Variants in NOS1 observed in about 807,000 individuals in gnomAD.
NOS1 encodes the protein nitric oxide synthase 1, also known as NOS type I.
Under a neutral mutation model 164.5 loss-of-function variants are expected in NOS1, and 51 were observed. That is an observed-to-expected ratio of 0.31 (90% CI 0.25 to 0.39). The LOEUF (loss-of-function observed/expected upper bound fraction) is 0.39. Among genes scored for constraint, NOS1 ranks in the 10% least tolerant of loss-of-function variants. NOS1 has a pLI of 1.00. For synonymous variants in NOS1, 719 were observed against 745.8 expected (o/e 0.96, Z 0.59); for missense variants, 1,362 against 1,885.6 (o/e 0.72, Z 5.14).
chr12:117,258,483 T>C, intron 15 of NOS1, 28 bp from the exon 16 acceptor site: 1 of 1,610,654 alleles, frequency 6.2e-7, no homozygotes, highest in African/African-American at 1.3e-5. Flanking sequence ...TGGGTGAAAT[T>C]AGCACATCTT....
At chr12:117,322,034 CTCCTTCTCTCCT>C (rs1274042908) in intron 2 of NOS1, among the ~76,000 whole-genome samples, 25 of 126,494 alleles carry the variant, frequency 2.0e-4, no homozygotes, top group African/African-American at 7.6e-4. Flanking sequence ...CCTTCCTTTC[CTCCTTCTCTCCT>C]TCCTTCCCTC....
At position 117,330,833 on chromosome 12, in the gene NOS1, G is replaced by A. The variant is rs201853230; in HGVS notation, c.237C>T (p.Ser79=). The A allele has an allele frequency of 9.9e-6, 16 of 1,613,988 alleles. No homozygotes were observed. In the East Asian group the frequency reaches 1.1e-4, roughly 11 times the overall value. ...CAATGCCTCTGAGTACCTCCAGGGC[G>A]CTGTCATAGCTCAGGTCCACCAAGG... ...GRPLVDLSYD[S]ALEVLRGIAS... is the part of the protein sequence containing the mutation. The change falls in exon 2 of 29, where the codon AGC becomes AGT. Residue 79 remains serine, a synonymous_variant. Transcript: ENST00000317775. The surrounding 1 kb of genome is among the most constrained non-coding windows in gnomAD (Gnocchi z 4.6).
At chr12:117,345,269 T>C (rs538283297) in intron 1 of NOS1, among the ~76,000 whole-genome samples, 3 of 152,132 alleles carry the variant, frequency 2.0e-5, no homozygotes, top group Non-Finnish European at 4.4e-5. Context: ...GTGATCCGTC[T>C]GCCTCGGCCT....
chr12:117,309,112 T>C (rs1311042282), intron 3 of NOS1, among the ~76,000 whole-genome samples: 1 of 152,214 alleles, frequency 6.6e-6, no homozygotes, highest in East Asian at 1.9e-4. Flanking sequence ...CTCTTTGTTT[T>C]GAATTAAGAA....
chr12:117,332,257 G>A (rs1488106067), intron 1 of NOS1, among the ~76,000 whole-genome samples: 5 of 152,070 alleles, frequency 3.3e-5, no homozygotes, highest in African/African-American at 4.8e-5. Flanking sequence ...GAGCACGTTC[G>A]CTCTTAACAC....
At chr12:117,247,327 G>A in intron 18 of NOS1, 21 bp downstream of exon 18, 1 of 1,561,908 alleles carries the variant, frequency 6.4e-7, no homozygotes, top group South Asian at 1.2e-5. Flanking sequence ...TTTTCCTGTA[G>A]GTCCATGAGA....
chr12:117,269,220 G>A (rs182216684), intron 10 of NOS1, among the ~76,000 whole-genome samples: 38 of 152,240 alleles, frequency 2.5e-4, no homozygotes, highest in South Asian at 1.0e-3. Context: ...CCAGATATTC[G>A]CAGATCTGGG....
chr12:117,266,088 C>T (rs1189585840), intron 11 of NOS1, among the ~76,000 whole-genome samples: 1 of 151,928 alleles, frequency 6.6e-6, no homozygotes, highest in Non-Finnish European at 1.5e-5. Flanking sequence ...TGTGAGCCAC[C>T]GTGCCCGGCC....
At chr12:117,255,891 G>A (rs1871399492) in intron 16 of NOS1, 2 of 1,230,544 alleles carry the variant, frequency 1.6e-6, no homozygotes, top group Non-Finnish European at 2.2e-6. Context: ...GGGTGTGCAT[G>A]CATACACTCG....
chr12:117,319,157 T>A (rs1874796834), intron 2 of NOS1, among the ~76,000 whole-genome samples: 1 of 152,206 alleles, frequency 6.6e-6, no homozygotes, highest in Non-Finnish European at 1.5e-5. Context: ...GCTCAAGTGA[T>A]CCTTCTGTCT....
intron 3 of NOS1, chr12:117,305,041 C>A (rs1874061758): frequency 2.0e-6 from 2 of 985,424 alleles, no homozygotes; most frequent in Non-Finnish European, 2.4e-6. Context: ...CATTTCTCAA[C>A]CCCCACCTAT....
At chr12:117,310,274 T>A (rs1437161686) in intron 3 of NOS1, among the ~76,000 whole-genome samples, 1 of 152,176 alleles carries the variant, frequency 6.6e-6, no homozygotes, top group African/African-American at 2.4e-5. Flanking sequence ...AGGTCACTCA[T>A]TACGGCACTG....
intron 22 of NOS1, among the ~76,000 whole-genome samples, chr12:117,230,649 T>C (rs1869133417): frequency 6.6e-6 from 1 of 152,174 alleles, no homozygotes; most frequent in Non-Finnish European, 1.5e-5. Context: ...GTAGAATTTT[T>C]ATTGAGCAAG....
chr12:117,242,732 C>T, intron 19 of NOS1, 27 bp from the exon 20 acceptor site: 1 of 1,604,020 alleles, frequency 6.2e-7, no homozygotes, highest in Non-Finnish European at 8.5e-7. Flanking sequence ...AACAGTCTTC[C>T]TGAGAAGGGG....
At chr12:117,361,153 G>A (rs1593050655) in intron 1 of NOS1, among the ~76,000 whole-genome samples, 1 of 152,142 alleles carries the variant, frequency 6.6e-6, no homozygotes, top group South Asian at 2.1e-4. Context: ...CAGCGCCGAG[G>A]CTGCCTCTTC....
intron 1 of NOS1, among the ~76,000 whole-genome samples, chr12:117,346,006 T>A (rs998888402): frequency 1.3e-5 from 2 of 152,234 alleles, no homozygotes; most frequent in Non-Finnish European, 2.9e-5. Flanking sequence ...GTGGGGACTG[T>A]AGAGAACTGG....
In NOS1 at chr12:117,290,335, A is replaced by C. The variant is rs1313383350; in HGVS notation, c.944T>G (p.Val315Gly). 1.2e-6 allele frequency: 2 copies of C among 1,613,724 alleles called. No individual in the cohort carries two copies. The highest frequency in any genetic ancestry group is 2.7e-5 in the African/African-American group (2 of 74,820). ...FLKVKNWETE[V>G]VLTDTLHLKS... ...AAGGTGGAGGGTGTCAGTGAGAACCACCTCAGTCTCCCAGTTCTTGACCTT... is the reference window on the plus strand; with the variant it reads ...AAGGTGGAGGGTGTCAGTGAGAACCCCCTCAGTCTCCCAGTTCTTGACCTT... Residue 315 changes from valine (V) to glycine (G), a missense_variant, in exon 4 of 29, where the codon GTG (valine) becomes GGG (glycine). Transcript: ENST00000317775.
chr12:117,262,486 G>GGGGA (rs1555253176), intron 13 of NOS1, among the ~76,000 whole-genome samples: 1 of 108,838 alleles, frequency 9.2e-6, no homozygotes. Flanking sequence ...AAAGGGGGAG[G>GGGGA]GGGAGAGAGA....
intron 9 of NOS1, among the ~76,000 whole-genome samples, chr12:117,273,720 G>A (rs770617961): frequency 6.6e-6 from 1 of 152,072 alleles, no homozygotes; most frequent in African/African-American, 2.4e-5. Context: ...GAACAATAAT[G>A]TAGGATTCCA....
Sources: gnomAD v4.1 joint callset for allele counts (sites outside exome capture counted in the v4.1 genomes callset) on GRCh38, gnomAD v4.1.1 for gene constraint, Gnocchi (gnomAD v3.1) non-coding constraint, MANE v1.5 for transcripts, NCBI Gene and HGNC (gene_info 2026-07-23, HGNC 2026-07-21) for gene names.